SETD7: variants seen among roughly 807,000 people sequenced by gnomAD.
The protein encoded by SETD7 is SET domain containing 7, histone lysine methyltransferase.
SETD7 carries 16 observed loss-of-function variants against 41.8 expected under a neutral mutation model. That is an observed-to-expected ratio of 0.38 (90% CI 0.26 to 0.58). The LOEUF is 0.58. Among genes scored for constraint, SETD7 ranks in the 20% least tolerant of loss-of-function variants. SETD7 has a pLI of 0.64. For synonymous variants in SETD7, 163 were observed against 169.7 expected (o/e 0.96, Z 0.31); for missense variants, 346 against 459.7 (o/e 0.75, Z 2.26).
chr4:139,502,309 G>C (rs975156810), downstream of SETD7, among the ~76,000 whole-genome samples: 2 of 152,214 alleles, frequency 1.3e-5, no homozygotes, highest in Admixed American at 1.3e-4. Flanking sequence ...TATGCTAGAA[G>C]GTAATGAGAA....
At chr4:139,503,969 A>C (rs1726644007), downstream of SETD7, among the ~76,000 whole-genome samples, 1 of 152,146 alleles carries the variant, frequency 6.6e-6, no homozygotes, top group Admixed American at 6.5e-5. Context: ...GATGGCTGGA[A>C]CCTGGGCAGC....
intron 7 of SETD7, 41 bp downstream of exon 7, chr4:139,517,844 T>C (rs1727070146): frequency 6.3e-7 from 1 of 1,583,760 alleles, no homozygotes; most frequent in African/African-American, 1.4e-5. Flanking sequence ...CTCAGGGCCC[T>C]GAGGCATAGA....
chr4:139,529,640 G>C (rs1727427453), intron 3 of SETD7, among the ~76,000 whole-genome samples: 1 of 152,172 alleles, frequency 6.6e-6, no homozygotes, highest in Non-Finnish European at 1.5e-5. Context: ...TCTTTAGCAA[G>C]ACACTCCTAC....
downstream of SETD7, among the ~76,000 whole-genome samples, chr4:139,494,754 A>T (rs563505899): frequency 1.3e-5 from 2 of 152,352 alleles, no homozygotes; most frequent in South Asian, 4.1e-4. Context: ...GGAATTCAGG[A>T]ATTCTGATTC....
At chr4:139,523,603 C>T (rs1727240330) in intron 4 of SETD7, among the ~76,000 whole-genome samples, 168 bp from the exon 5 acceptor site, 3 of 152,176 alleles carry the variant, frequency 2.0e-5, no homozygotes, top group Non-Finnish European at 2.9e-5. Context: ...TTTAGATTTA[C>T]GCTTCAGTTT....
At chr4:139,496,440 C>T (rs1199272735) in exon 8 of SETD7, 6 of 702,454 alleles carry the variant, frequency 8.5e-6, no homozygotes, top group South Asian at 1.5e-5. Flanking sequence ...CTACCCAGGG[C>T]GCTTGATCCA....
chr4:139,501,692 T>C (rs569949525), downstream of SETD7, among the ~76,000 whole-genome samples: 2 of 152,348 alleles, frequency 1.3e-5, no homozygotes, highest in South Asian at 2.1e-4. Flanking sequence ...AAGTGCTTTG[T>C]GCACATCCAG....
At chr4:139,553,557 C>G (rs1233476445) in intron 1 of SETD7, among the ~76,000 whole-genome samples, 2 of 152,236 alleles carry the variant, frequency 1.3e-5, no homozygotes, top group African/African-American at 2.4e-5. Context: ...AAGCCAGTCT[C>G]TCCACCTCAC....
intron 7 of SETD7, among the ~76,000 whole-genome samples, chr4:139,497,789 C>T (rs1726493968): frequency 6.6e-6 from 1 of 152,012 alleles, no homozygotes; most frequent in Non-Finnish European, 1.5e-5. Flanking sequence ...GATGGGTTTT[C>T]ACCATGTTGG....
chr4:139,496,255 G>T (rs78553478), exon 8 of SETD7: 10 of 572,302 alleles, frequency 1.7e-5, no homozygotes, highest in Non-Finnish European at 2.8e-5. Context: ...TCTTAAAATG[G>T]CTCCCAGAGT....
At chr4:139,526,627 C>T (rs1049118462) in intron 4 of SETD7, among the ~76,000 whole-genome samples, 3 of 152,052 alleles carry the variant, frequency 2.0e-5, no homozygotes, top group African/African-American at 7.2e-5. Flanking sequence ...TAACAACTTT[C>T]ATTACAGTGT....
intron 7 of SETD7, 114 bp from the exon 8 acceptor site, chr4:139,511,957 T>C (rs1446676620): frequency 2.1e-6 from 3 of 1,456,536 alleles, no homozygotes; most frequent in East Asian, 2.4e-5. Context: ...TGGGCACACC[T>C]GGTATGTGCC....
chr4:139,538,063 C>CATCATCAAA (rs1434957644), intron 2 of SETD7, among the ~76,000 whole-genome samples: 1 of 151,994 alleles, frequency 6.6e-6, no homozygotes, highest in Non-Finnish European at 1.5e-5. Context: ...CAAAAAAAAG[C>CATCATCAAA]ATCATCAAAG....
downstream of SETD7, among the ~76,000 whole-genome samples, chr4:139,504,759 A>G (rs1263849965): frequency 6.6e-6 from 1 of 152,178 alleles, no homozygotes; most frequent in Non-Finnish European, 1.5e-5. Flanking sequence ...TTGGTCTAAC[A>G]TAATTTTGTC....
At position 139,529,098 on chromosome 4, in the gene SETD7, T is replaced by A. The variant is rs751513603; in HGVS notation, c.495A>T (p.Ile165=). ...LYGKFIDGEM[I]EGKLATLMST... The stretch of plus-strand genomic sequence containing the variant: ...ACATAAGGGTAGCCAGTTTGCCTTC[T>A]ATCATCTCTCCATCAATAAATTTCC... The change falls in exon 4 of 8, where the codon ATA becomes ATT. Residue 165 remains isoleucine (I), a synonymous_variant. Coordinates refer to ENST00000274031, the MANE Select transcript of SETD7 (RefSeq NM_030648.4). 2 of 1,614,130 alleles carry A rather than the reference T, an allele frequency of 1.2e-6. No homozygotes were observed. The highest frequency in any genetic ancestry group is 8.5e-7 in the Non-Finnish European group (1 of 1,179,998).
intron 7 of SETD7, 22 bp from the exon 8 acceptor site, chr4:139,511,865 G>A: frequency 1.3e-6 from 2 of 1,599,262 alleles, no homozygotes; most frequent in Non-Finnish European, 1.7e-6. Context: ...GATGCACACA[G>A]TCATTCCCGG....
chr4:139,515,106 C>T (rs931405713), intron 7 of SETD7, among the ~76,000 whole-genome samples: 5 of 139,202 alleles, frequency 3.6e-5, no homozygotes, highest in Non-Finnish European at 6.0e-5. Context: ...GTGGAGGTTA[C>T]AGTGAGCTGA....
rs539778745 is a variant in SETD7, at chr4:139,511,543, G to A, written c.*120C>T. The A allele has an allele frequency of 4.5e-6, 7 of 1,559,686 alleles. No homozygotes were observed. The highest frequency in any genetic ancestry group is 4.5e-5 in the East Asian group (2 of 44,552). Reference sequence around the variant, plus strand: ...AGTATGCGAGAAAGTCGTTGCTAACGCATGGTGAGAGGATGTGACGTCACA... The same window carrying A: ...AGTATGCGAGAAAGTCGTTGCTAACACATGGTGAGAGGATGTGACGTCACA... On this transcript the variant is annotated 3_prime_UTR_variant, in exon 8 of 8. Transcript: ENST00000274031.
chr4:139,520,857 T>C lies in SETD7; in HGVS notation c.645-463A>G, dbSNP rs554980293. On this transcript the variant is annotated intron_variant, in intron 5 of 7. Transcript: ENST00000274031. The stretch of plus-strand genomic sequence containing the variant: ...TTCTATATGCAACAGTGACAAACAA[T>C]TAATAAGATATATCCAATAAGCATT... Among the ~76,000 whole-genome samples, 6 of 152,312 alleles carry C rather than the reference T, an allele frequency of 3.9e-5. No homozygotes were observed. In the South Asian group the frequency reaches 1.0e-3, roughly 26 times the overall value.
Sources: allele counts gnomAD v4.1 joint callset (sites outside exome capture counted in the v4.1 genomes callset), GRCh38; gene constraint gnomAD v4.1.1; transcripts MANE v1.5; gene names NCBI Gene and HGNC (gene_info 2026-07-23, HGNC 2026-07-21).